Variants in MAP4K3 observed in about 807,000 individuals in gnomAD.
MAP4K3 encodes the protein MAPK/ERK kinase kinase kinase 3.
In MAP4K3, 94 loss-of-function variants were observed where a neutral mutation model predicts 143.5. That is an observed-to-expected ratio of 0.65 (90% CI 0.55 to 0.78). The LOEUF (loss-of-function observed/expected upper bound fraction) is 0.78, where lower values mean the gene tolerates loss of function less well. MAP4K3 is among the 30% of genes least tolerant of loss of function. MAP4K3 has a pLI of 0.00. For synonymous variants in MAP4K3, 416 were observed against 347.2 expected (o/e 1.20, Z -2.20); for missense variants, 1,077 against 1,068.1 (o/e 1.01, Z -0.12).
chr2:39,380,509 T>C (rs561988863), intron 1 of MAP4K3, among the ~76,000 whole-genome samples: 1 of 152,294 alleles, frequency 6.6e-6, no homozygotes, highest in South Asian at 2.1e-4. Context: ...GAGAGCAAGA[T>C]AGAAATTATA....
At chr2:39,334,543 A>T (rs1167704094) in intron 6 of MAP4K3, among the ~76,000 whole-genome samples, 2 of 152,202 alleles carry the variant, frequency 1.3e-5, no homozygotes, top group African/African-American at 4.8e-5. Flanking sequence ...TAGGGGAAGG[A>T]GAAAAAGGAA....
intron 17 of MAP4K3, 55 bp from the exon 18 acceptor site, chr2:39,292,881 G>T: frequency 6.8e-7 from 1 of 1,463,988 alleles, no homozygotes; most frequent in Non-Finnish European, 9.5e-7. Context: ...AAAACAGTAA[G>T]AAGAAATTTT....
chr2:39,257,288 G>C (rs1337864168), intron 31 of MAP4K3, among the ~76,000 whole-genome samples: 1 of 152,048 alleles, frequency 6.6e-6, no homozygotes, highest in East Asian at 1.9e-4. Context: ...TCATTTAAAA[G>C]TATTGATTGT....
At chr2:39,308,844 C>G (rs1266050023) in intron 14 of MAP4K3, among the ~76,000 whole-genome samples, 1 of 151,996 alleles carries the variant, frequency 6.6e-6, no homozygotes, top group Non-Finnish European at 1.5e-5. Flanking sequence ...TATGCCTCAT[C>G]TCCCTAATTT....
At chr2:39,298,878 T>G (rs1682393970) in intron 16 of MAP4K3, among the ~76,000 whole-genome samples, 1 of 149,612 alleles carries the variant, frequency 6.7e-6, no homozygotes, top group South Asian at 2.1e-4. Flanking sequence ...GGCATGAGAA[T>G]CACTTGAACC....
intron 31 of MAP4K3, 45 bp downstream of exon 31, chr2:39,258,303 T>C: frequency 1.7e-6 from 2 of 1,198,858 alleles, no homozygotes. Context: ...AGATAAATTA[T>C]TTTAAGGAGT....
intron 8 of MAP4K3, among the ~76,000 whole-genome samples, chr2:39,328,064 C>T (rs191527285): frequency 6.6e-6 from 1 of 152,202 alleles, no homozygotes; most frequent in African/African-American, 2.4e-5. Context: ...GGAGCAGTGG[C>T]TCACGCCTGT....
intron 1 of MAP4K3, among the ~76,000 whole-genome samples, chr2:39,405,224 A>C (rs1450214518): frequency 4.6e-5 from 7 of 152,352 alleles, no homozygotes; most frequent in Non-Finnish European, 1.0e-4. Flanking sequence ...CTCAGAACAG[A>C]GAGAGAAATG....
intron 12 of MAP4K3, among the ~76,000 whole-genome samples, chr2:39,320,308 G>A (rs1309318491): frequency 6.6e-6 from 1 of 152,160 alleles, no homozygotes; most frequent in Non-Finnish European, 1.5e-5. Flanking sequence ...AAAAGGATAA[G>A]ACATAAATGC....
At chr2:39,275,448 C>CT (rs1681209032) in intron 24 of MAP4K3, among the ~76,000 whole-genome samples, 1 of 152,114 alleles carries the variant, frequency 6.6e-6, no homozygotes, top group Non-Finnish European at 1.5e-5. Context: ...CGCCACTGCC[C>CT]TCCAGCCTGG....
At chr2:39,335,989 G>C (rs1376531660) in intron 6 of MAP4K3, among the ~76,000 whole-genome samples, 1 of 151,922 alleles carries the variant, frequency 6.6e-6, no homozygotes, top group South Asian at 2.1e-4. Context: ...AAGGGGAAGA[G>C]AGAAATATGA....
intron 20 of MAP4K3, 60 bp from the exon 21 acceptor site, chr2:39,287,024 G>C (rs1256678378): frequency 5.7e-6 from 6 of 1,048,808 alleles, no homozygotes; most frequent in African/African-American, 1.6e-5. Flanking sequence ...TATTCAGAAA[G>C]TTATCAAGTA....
At chr2:39,414,289 T>G (rs1256080686) in intron 1 of MAP4K3, among the ~76,000 whole-genome samples, 5 of 152,150 alleles carry the variant, frequency 3.3e-5, no homozygotes, top group African/African-American at 1.2e-4. Context: ...ACCTTAAAAT[T>G]GTATCTTACT....
chr2:39,364,561 G>A (rs1029571239), intron 2 of MAP4K3, among the ~76,000 whole-genome samples: 6 of 152,132 alleles, frequency 3.9e-5, no homozygotes, highest in African/African-American at 7.2e-5. Context: ...GGAGACATAA[G>A]ACATCAATCA....
At chr2:39,345,701 C>T (rs1353580649) in intron 3 of MAP4K3, among the ~76,000 whole-genome samples, 1 of 151,838 alleles carries the variant, frequency 6.6e-6, no homozygotes, top group African/African-American at 2.4e-5. Context: ...GGGCGGATCA[C>T]GAGGTCAGGA....
At chr2:39,311,484 T>A (rs1018911680) in intron 13 of MAP4K3, among the ~76,000 whole-genome samples, 1 of 152,200 alleles carries the variant, frequency 6.6e-6, no homozygotes, top group Non-Finnish European at 1.5e-5. Context: ...CCTCTTGGTA[T>A]TCAAAATGCT....
chr2:39,366,012 A>G (rs1053641590), intron 2 of MAP4K3, among the ~76,000 whole-genome samples: 1 of 152,228 alleles, frequency 6.6e-6, no homozygotes, highest in Non-Finnish European at 1.5e-5. Flanking sequence ...GGTAGAAACA[A>G]TAAATGAAAT....
Position 39,365,187 on chromosome 2 carries a change from T to C in MAP4K3, c.155-8848A>G, listed in dbSNP as rs181504644. On this transcript the variant is annotated intron_variant, in intron 2 of 33. Transcript: ENST00000263881. ...ACTAGAGTCAGGCTGGAATTCTGTGTCTTATTGCTATAAAAAGTCTGTTCA... is the reference window on the plus strand; with the variant it reads ...ACTAGAGTCAGGCTGGAATTCTGTGCCTTATTGCTATAAAAAGTCTGTTCA... Among the ~76,000 whole-genome samples the C allele has an allele frequency of 3.3e-3, 499 of 152,304 alleles. 2 individuals carry two copies. Among genetic ancestry groups the C allele is most frequent in the Middle Eastern group, 0.017 (5 of 294 alleles).
rs190078984 is a variant in MAP4K3, at chr2:39,260,823, C to A, written c.2137-46G>T. 1.0e-5 allele frequency: 14 copies of A among 1,335,692 alleles called. No individual in the cohort carries two copies. The South Asian group carries it at 1.1e-4, about 11-fold the overall frequency. 82.7% of individuals were successfully genotyped at this position (1,335,692 alleles called of 1,614,324 possible). A position where few individuals can be genotyped will look rare whatever the true frequency, so the allele number is the denominator to read the frequency against. ...ACATTAAACCAAGGAAAATAAAAAC[C>A]GAATAATTCTATGAGAATACTATAA... On this transcript the variant is annotated intron_variant, in intron 28 of 33. Transcript: ENST00000263881.
Sources: allele counts gnomAD v4.1 joint callset (sites outside exome capture counted in the v4.1 genomes callset), GRCh38; gene constraint gnomAD v4.1.1; transcripts MANE v1.5; gene names NCBI Gene and HGNC (gene_info 2026-07-23, HGNC 2026-07-21).